The following MAP2K5 variants were observed in gnomAD, a reference collection of about 807,000 sequenced individuals.
MAP2K5 encodes dual specificity mitogen-activated protein kinase kinase 5.
In MAP2K5, 49 loss-of-function variants were observed where a neutral mutation model predicts 83.1. That is an observed-to-expected ratio of 0.59 (90% CI 0.47 to 0.75). The LOEUF (loss-of-function observed/expected upper bound fraction) is 0.75. MAP2K5 is among the 30% of genes least tolerant of loss of function. MAP2K5 has a pLI of 0.00. For synonymous variants in MAP2K5, 202 were observed against 191.8 expected (o/e 1.05, Z -0.44); for missense variants, 457 against 557.5 (o/e 0.82, Z 1.82).
At chr15:67,568,262 T>A (rs984995409) in intron 3 of MAP2K5, among the ~76,000 whole-genome samples, 5 of 152,210 alleles carry the variant, frequency 3.3e-5, no homozygotes, top group Admixed American at 2.0e-4. Flanking sequence ...TTCCCTTTGG[T>A]GTATTTGACC....
At chr15:67,566,604 T>C (rs2084844653) in intron 3 of MAP2K5, among the ~76,000 whole-genome samples, 1 of 152,210 alleles carries the variant, frequency 6.6e-6, no homozygotes, top group Non-Finnish European at 1.5e-5. Context: ...TTCTTTTTCA[T>C]TGATTACAAA....
intron 4 of MAP2K5, among the ~76,000 whole-genome samples, chr15:67,583,935 G>A (rs1303726165): frequency 6.6e-6 from 1 of 151,060 alleles, no homozygotes; most frequent in South Asian, 2.1e-4. Context: ...TTTTAATAGC[G>A]ACAAGGTATC....
intron 19 of MAP2K5, among the ~76,000 whole-genome samples, chr15:67,765,662 G>T (rs559444169): frequency 4.7e-4 from 72 of 152,212 alleles, no homozygotes; most frequent in African/African-American, 1.7e-3. Flanking sequence ...GTATTTATTG[G>T]CACACTTACT....
rs537332682 is a variant in MAP2K5 at position 67,628,869 on chromosome 15, A to G, written c.546-2019A>G. On this transcript the variant is annotated intron_variant, in intron 8 of 21. Coordinates refer to ENST00000178640, the MANE Select transcript of MAP2K5 (RefSeq NM_145160.3). ...GGTGGCTTTGATGGCAGCCGTGGTG[A>G]TGGTGGATATGGCGGCAGTGGGGAT... The G allele has an allele frequency of 8.5e-5, 64 of 749,234 alleles. 1 individual carries two copies. The highest frequency in any genetic ancestry group is 3.7e-4 in the African/African-American group (22 of 58,862). 46.4% of individuals were successfully genotyped at this position (749,234 alleles called of 1,614,324 possible).
At chr15:67,795,385 A>G (rs368054869) in intron 21 of MAP2K5, among the ~76,000 whole-genome samples, 1 of 152,196 alleles carries the variant, frequency 6.6e-6, no homozygotes, top group African/African-American at 2.4e-5. Context: ...CTTGCCTGCT[A>G]ATATTGCTTT....
Position 67,770,287 on chromosome 15 carries a change from A to G in MAP2K5, c.1196+624A>G, listed in dbSNP as rs1443648856. On this transcript the variant is annotated intron_variant, in intron 20 of 21. Coordinates refer to ENST00000178640, the MANE Select transcript of MAP2K5 (RefSeq NM_145160.3). The surrounding 1 kb of genome is among the most constrained non-coding windows in gnomAD (Gnocchi z 5.0). ...CTGAAGAAACAAGCATTTTACTGCC[A>G]AGGGTTCTTTGCCAGCCTTCTGCCT... Among the ~76,000 whole-genome samples the G allele has an allele frequency of 3.3e-5, 5 of 152,222 alleles. No individual in the cohort carries two copies. Among genetic ancestry groups the G allele is most frequent in the African/African-American group, 9.6e-5 (4 of 41,460 alleles).
In MAP2K5 at chr15:67,563,268, T is replaced by C; in HGVS notation, c.185-15T>C. On this transcript the variant is annotated splice_polypyrimidine_tract_variant and intron_variant, in intron 2 of 21. Coordinates refer to ENST00000178640, the MANE Select transcript of MAP2K5 (RefSeq NM_145160.3). The surrounding 1 kb of genome is among the most constrained non-coding windows in gnomAD (Gnocchi z 4.5). ...AATGCACACCTTATCATTTGCATTA[T>C]GTGCTTTTAAACAGATGAAGATGAA... 1 of 1,606,948 alleles carries C rather than the reference T, an allele frequency of 6.2e-7. No individual in the cohort carries two copies. Among genetic ancestry groups the C allele is most frequent in the Non-Finnish European group, 8.5e-7 (1 of 1,178,084 alleles).
At chr15:67,614,474 G>C (rs575271384) in intron 8 of MAP2K5, among the ~76,000 whole-genome samples, 1 of 152,272 alleles carries the variant, frequency 6.6e-6, no homozygotes, top group East Asian at 1.9e-4. Context: ...TCAATCCTCA[G>C]GGTATTTCTA....
In MAP2K5 at chr15:67,563,203, A is replaced by G; in HGVS notation, c.185-80A>G. 2 of 1,506,754 alleles carry G rather than the reference A, an allele frequency of 1.3e-6. No individual in the cohort carries two copies. The highest frequency in any genetic ancestry group is 1.8e-6 in the Non-Finnish European group (2 of 1,125,728). 93.3% of individuals were successfully genotyped at this position (1,506,754 alleles called of 1,614,324 possible). Reference sequence around the variant, plus strand: ...GTTGAGGGTTAGAATATCACATTGTAATAAACCGTTTATATTATGTTCCCT... The same window carrying G: ...GTTGAGGGTTAGAATATCACATTGTGATAAACCGTTTATATTATGTTCCCT... On this transcript the variant is annotated intron_variant, in intron 2 of 21. Coordinates refer to ENST00000178640, the MANE Select transcript of MAP2K5 (RefSeq NM_145160.3). The surrounding 1 kb of genome is among the most constrained non-coding windows in gnomAD (Gnocchi z 4.5).
At chr15:67,630,602 T>C (rs2086449709) in intron 8 of MAP2K5, among the ~76,000 whole-genome samples, 1 of 152,210 alleles carries the variant, frequency 6.6e-6, no homozygotes, top group South Asian at 2.1e-4. Context: ...CTTTGTGCCA[T>C]TGGGCAAACT....
At chr15:67,737,542 A>C (rs1342277030) in intron 17 of MAP2K5, among the ~76,000 whole-genome samples, 3 of 151,294 alleles carry the variant, frequency 2.0e-5, no homozygotes, top group African/African-American at 7.3e-5. Context: ...AATAAAACAG[A>C]CGAGCTAAGT....
chr15:67,626,933 A>G (rs1384926168), intron 8 of MAP2K5, among the ~76,000 whole-genome samples: 2 of 152,044 alleles, frequency 1.3e-5, no homozygotes, highest in Non-Finnish European at 2.9e-5. Context: ...AAGTTTTATT[A>G]TTATTTTCTA....
intron 8 of MAP2K5, 38 bp from the exon 9 acceptor site, chr15:67,630,850 G>C (rs1370654960): frequency 6.5e-7 from 1 of 1,540,826 alleles, no homozygotes; most frequent in African/African-American, 1.4e-5. Flanking sequence ...AGGTTGTTTA[G>C]TGATCCCAAA....
Position 67,677,994 on chromosome 15 carries a change from A to G in MAP2K5, c.847+13349A>G, listed in dbSNP as rs2087720341. ...AGGCCTTTGCAAGAATATTTGGATG[A>G]CCTACCCTTTCTTATGTGATGGAGT... is the stretch of plus-strand genomic sequence containing the variant. On this transcript the variant is annotated intron_variant, in intron 13 of 21. Coordinates refer to ENST00000178640, the MANE Select transcript of MAP2K5 (RefSeq NM_145160.3). The surrounding 1 kb of genome is among the most constrained non-coding windows in gnomAD (Gnocchi z 4.2). Among the ~76,000 whole-genome samples the G allele has an allele frequency of 6.6e-6, 1 of 152,152 alleles. No homozygotes were observed. Among genetic ancestry groups the G allele is most frequent in the South Asian group, 2.1e-4 (1 of 4,824 alleles).
intron 4 of MAP2K5, among the ~76,000 whole-genome samples, chr15:67,581,640 G>A (rs1022480790): frequency 2.6e-5 from 4 of 152,102 alleles, no homozygotes; most frequent in African/African-American, 7.2e-5. Flanking sequence ...ACTTACCTTC[G>A]TTAACTGATA....
chr15:67,628,134 CA>C, intron 8 of MAP2K5: 2 of 946,106 alleles, frequency 2.1e-6, no homozygotes, highest in Non-Finnish European at 3.3e-6. Context: ...AGGAGATTCT[CA>C]AAGACCCGGT....
intron 16 of MAP2K5, among the ~76,000 whole-genome samples, chr15:67,711,861 C>A (rs548754997): frequency 6.6e-6 from 1 of 152,244 alleles, no homozygotes; most frequent in South Asian, 2.1e-4. Flanking sequence ...ATATGTGGAG[C>A]CAGGAGTCAA....
chr15:67,594,848 C>T (rs1464732397), intron 7 of MAP2K5, among the ~76,000 whole-genome samples: 1 of 152,108 alleles, frequency 6.6e-6, no homozygotes, highest in Non-Finnish European at 1.5e-5. Flanking sequence ...TGGAAGCTTT[C>T]AAAATGTCTC....
Position 67,721,432 on chromosome 15 carries a change from T to C in MAP2K5, c.1045-6484T>C, listed in dbSNP as rs181710359. On this transcript the variant is annotated intron_variant, in intron 16 of 21. Transcript: ENST00000178640. ...TGATGGGACCCTCACATTTAGGCTC[T>C]TTCTACACAAAGAAAAAACATTAGT... is the stretch of plus-strand genomic sequence containing the variant. Among the ~76,000 whole-genome samples the C allele has an allele frequency of 7.9e-5, 12 of 152,342 alleles. No homozygotes were observed. In the East Asian group the frequency reaches 2.3e-3, roughly 29 times the overall value.
Sources: allele counts gnomAD v4.1 joint callset (sites outside exome capture counted in the v4.1 genomes callset), GRCh38; gene constraint gnomAD v4.1.1; non-coding constraint Gnocchi (gnomAD v3.1); transcripts MANE v1.5; gene names NCBI Gene and HGNC (gene_info 2026-07-23, HGNC 2026-07-21).